The following CDYL2 variants were observed in gnomAD, a reference collection of about 807,000 sequenced individuals.
CDYL2 encodes the protein chromodomain Y-like protein 2.
Under a neutral mutation model 49.4 loss-of-function variants are expected in CDYL2, and 23 were observed. The observed-to-expected ratio is 0.47, with a 90% CI of 0.34 to 0.66. The LOEUF (loss-of-function observed/expected upper bound fraction) is 0.66, where lower values mean the gene tolerates loss of function less well. CDYL2 is among the 30% of genes least tolerant of loss of function. The probability of loss-of-function intolerance (pLI) is 0.01; values close to 1 mark genes in which losing one functional copy is unlikely to be tolerated. For missense variants in CDYL2, 678 were observed against 656.4 expected (o/e 1.03, Z -0.36); for synonymous variants, 360 against 268.8 (o/e 1.34, Z -3.32).
At chr16:80,623,277 G>T (rs1907162936) in intron 3 of CDYL2, among the ~76,000 whole-genome samples, 1 of 152,162 alleles carries the variant, frequency 6.6e-6, no homozygotes, top group African/African-American at 2.4e-5. Flanking sequence ...CTACCCCACA[G>T]TATCTTGGGT....
intron 1 of CDYL2, among the ~76,000 whole-genome samples, chr16:80,690,151 G>T (rs1910357613): frequency 6.6e-6 from 1 of 151,318 alleles, no homozygotes; most frequent in Non-Finnish European, 1.5e-5. Flanking sequence ...AAAATAAATA[G>T]AAATAAAAAA....
intron 1 of CDYL2, among the ~76,000 whole-genome samples, chr16:80,747,247 T>C (rs1226862627): frequency 2.0e-5 from 3 of 152,000 alleles, no homozygotes; most frequent in East Asian, 3.9e-4. Flanking sequence ...AACCACCCCA[T>C]AGTGAGGATC....
chr16:80,736,076 C>T (rs1372673855), intron 1 of CDYL2, among the ~76,000 whole-genome samples: 1 of 152,234 alleles, frequency 6.6e-6, no homozygotes, highest in Non-Finnish European at 1.5e-5. Context: ...GGCCAGTGAC[C>T]TTGAGACTGT....
At chr16:80,604,645 A>C in intron 6 of CDYL2, 99 bp from the exon 7 acceptor site, 9 of 1,286,392 alleles carry the variant, frequency 7.0e-6, no homozygotes, top group African/African-American at 1.5e-5. Flanking sequence ...TCCCATACTC[A>C]CAGCCAGAGA....
chr16:80,804,887 C>T (rs1477441413), upstream of CDYL2, among the ~76,000 whole-genome samples: 6 of 151,956 alleles, frequency 3.9e-5, no homozygotes, highest in Non-Finnish European at 8.8e-5. Context: ...CCCGCCGGCC[C>T]GGGGTCCCCA....
intron 1 of CDYL2, among the ~76,000 whole-genome samples, chr16:80,735,726 G>T (rs1177607043): frequency 6.6e-6 from 1 of 152,166 alleles, no homozygotes; most frequent in Non-Finnish European, 1.5e-5. Context: ...AATAATCACT[G>T]GACTCTCGAC....
At chr16:80,734,853 T>C (rs1905461215) in intron 1 of CDYL2, among the ~76,000 whole-genome samples, 1 of 152,190 alleles carries the variant, frequency 6.6e-6, no homozygotes, top group South Asian at 2.1e-4. Context: ...CTAGAAGTCA[T>C]AATGGACCTG....
chr16:80,793,141 C>A (rs1907661781), intron 1 of CDYL2, among the ~76,000 whole-genome samples: 2 of 152,214 alleles, frequency 1.3e-5, no homozygotes, highest in South Asian at 4.1e-4. Context: ...GCAACCCAAT[C>A]TAAAACGGAC....
chr16:80,645,291 A>G (rs1371483466), intron 2 of CDYL2, among the ~76,000 whole-genome samples: 1 of 152,228 alleles, frequency 6.6e-6, no homozygotes, highest in East Asian at 1.9e-4. Context: ...ACAAATTTAC[A>G]AGAAAAAACA....
intron 3 of CDYL2, among the ~76,000 whole-genome samples, chr16:80,627,280 C>T (rs1386547430): frequency 6.6e-6 from 1 of 151,874 alleles, no homozygotes; most frequent in Non-Finnish European, 1.5e-5. Flanking sequence ...CTCTATTTCT[C>T]TGAGAGGCAA....
rs150218713 is a variant in CDYL2 at position 80,714,064 on chromosome 16, A to T, written c.25-28935T>A. Among the ~76,000 whole-genome samples, 582 of 152,178 alleles carry T rather than the reference A, an allele frequency of 3.8e-3. 5 individuals are homozygous for T. The highest frequency in any genetic ancestry group is 6.5e-3 in the Non-Finnish European group (444 of 67,992). ...CCTATCTAAATTCCTGACCCTCAAAACCTGTGAGCATTAAAAATTTTTTAA... is the reference window on the plus strand; with the variant it reads ...CCTATCTAAATTCCTGACCCTCAAATCCTGTGAGCATTAAAAATTTTTTAA... On this transcript the variant is annotated intron_variant, in intron 1 of 6. Coordinates refer to ENST00000570137, the MANE Select transcript of CDYL2 (RefSeq NM_152342.4).
chr16:80,720,188 G>T (rs1904951187), intron 1 of CDYL2, among the ~76,000 whole-genome samples: 1 of 152,124 alleles, frequency 6.6e-6, no homozygotes, highest in African/African-American at 2.4e-5. Context: ...GGGAACACTT[G>T]CTCAGAGGGC....
intron 2 of CDYL2, among the ~76,000 whole-genome samples, chr16:80,650,272 G>A (rs1597148847): frequency 6.6e-6 from 1 of 151,958 alleles, no homozygotes; most frequent in African/African-American, 2.4e-5. Context: ...AACTCTATTG[G>A]AAAAAAATCT....
At chr16:80,702,145 A>C (rs1474532389) in intron 1 of CDYL2, among the ~76,000 whole-genome samples, 2 of 151,552 alleles carry the variant, frequency 1.3e-5, no homozygotes, top group Non-Finnish European at 2.9e-5. Flanking sequence ...GTTTTCTGAA[A>C]ATTAATTCCA....
intron 1 of CDYL2, among the ~76,000 whole-genome samples, chr16:80,765,876 CAAAA>C: frequency 2.1e-5 from 1 of 47,166 alleles, no homozygotes; most frequent in African/African-American, 7.5e-5. Flanking sequence ...CCCTCATCTA[CAAAA>C]AAAAAAAAAA....
intron 4 of CDYL2, among the ~76,000 whole-genome samples, chr16:80,615,233 T>C (rs1906776751): frequency 6.6e-6 from 1 of 152,152 alleles, no homozygotes; most frequent in East Asian, 1.9e-4. Context: ...CTTCCTAACC[T>C]AATGGTGAGG....
At chr16:80,787,592 T>TCTCTCTCTC (rs769878591) in intron 1 of CDYL2, among the ~76,000 whole-genome samples, 1 of 151,760 alleles carries the variant, frequency 6.6e-6, no homozygotes, top group South Asian at 2.1e-4. Context: ...ATATGTTCGT[T>TCTCTCTCTC]CTCTCTCTCC....
At chr16:80,764,231 T>TAC in intron 1 of CDYL2, among the ~76,000 whole-genome samples, 1 of 152,350 alleles carries the variant, frequency 6.6e-6, no homozygotes, top group South Asian at 2.1e-4. Context: ...ATGATTTTAA[T>TAC]ACATTCTTTA....
chr16:80,804,791 G>A (rs1449927360), upstream of CDYL2, among the ~76,000 whole-genome samples: 1 of 150,644 alleles, frequency 6.6e-6, no homozygotes, highest in African/African-American at 2.4e-5. Flanking sequence ...CGCCGGGTGC[G>A]CCCGATCTGG....
Sources: allele counts gnomAD v4.1 joint callset (sites outside exome capture counted in the v4.1 genomes callset), GRCh38; gene constraint gnomAD v4.1.1; transcripts MANE v1.5; gene names NCBI Gene and HGNC (gene_info 2026-07-23, HGNC 2026-07-21).